Variants in UBN2 observed in about 807,000 individuals in gnomAD.
The protein encoded by UBN2 is ubinuclein-2.
UBN2 carries 35 observed loss-of-function variants against 120.2 expected under a neutral mutation model. That is an observed-to-expected ratio of 0.29 (90% CI 0.22 to 0.39). UBN2 has a LOEUF of 0.39. Ranked by LOEUF, UBN2 falls within the 10% of genes least tolerant of loss-of-function variation. The probability of loss-of-function intolerance (pLI) is 1.00; values close to 1 mark genes in which losing one functional copy is unlikely to be tolerated. For missense variants in UBN2, 1,693 were observed against 1,663.2 expected (o/e 1.02, Z -0.31); for synonymous variants, 661 against 648.7 (o/e 1.02, Z -0.29).
chr7:139,297,912 C>A lies in UBN2; in HGVS notation c.*76C>A. Reference sequence around the variant, plus strand: ...CCTGATGGGAAAGTACTTATGTGGTCATAGGGCTGCTGTTTCTGTCGATGT... The same window carrying A: ...CCTGATGGGAAAGTACTTATGTGGTAATAGGGCTGCTGTTTCTGTCGATGT... On this transcript the variant is annotated 3_prime_UTR_variant, in exon 18 of 18. Transcript: ENST00000473989. The A allele has an allele frequency of 6.8e-7, 1 of 1,469,858 alleles. No homozygotes were observed. Among genetic ancestry groups the A allele is most frequent in the South Asian group, 1.1e-5 (1 of 87,412 alleles). 91.1% of individuals were successfully genotyped at this position (1,469,858 alleles called of 1,614,324 possible).
chr7:139,242,416 T>C (rs1796345387), intron 2 of UBN2, among the ~76,000 whole-genome samples: 1 of 152,222 alleles, frequency 6.6e-6, no homozygotes, highest in Non-Finnish European at 1.5e-5. Context: ...TGTAGAGCTT[T>C]GGGCAAACTT....
rs185839467 is a variant in UBN2 at position 139,289,609 on chromosome 7, A to G, written c.3670-3623A>G. Among the ~76,000 whole-genome samples the G allele has an allele frequency of 4.5e-3, 690 of 151,892 alleles. 3 individuals carry two copies. Among genetic ancestry groups the G allele is most frequent in the African/African-American group, 0.016 (665 of 41,424 alleles). On this transcript the variant is annotated intron_variant, in intron 15 of 17. Coordinates refer to ENST00000473989, the MANE Select transcript of UBN2 (RefSeq NM_173569.4). ...GTATTTTTAGTAGAGACGGTGTTTC[A>G]CCATGTTGGCCAGGCTGGTCTTGAA...
At position 139,284,467 on chromosome 7, in the gene UBN2, C is replaced by T. The variant is rs769222760; in HGVS notation, c.3562C>T (p.Leu1188=). 7 of 1,614,052 alleles carry T rather than the reference C, an allele frequency of 4.3e-6. No homozygotes were observed. In the African/African-American group the frequency reaches 8.0e-5, roughly 18 times the overall value. The change falls in exon 15 of 18, where the codon CTG becomes TTG. Residue 1188 remains leucine (L), a synonymous_variant. Coordinates refer to ENST00000473989, the MANE Select transcript of UBN2 (RefSeq NM_173569.4). ...LNSSGANRTS[L]SGGTGSGTQG... ...CTCAAGCGGAGCTAATAGGACTAGT[C>T]TGTCTGGGGGAACAGGAAGTGGAAC...
At chr7:139,312,679 T>A (rs1798464395), downstream of UBN2, among the ~76,000 whole-genome samples, 1 of 152,240 alleles carries the variant, frequency 6.6e-6, no homozygotes, top group African/African-American at 2.4e-5. Context: ...CTACTTTTTG[T>A]CTTATGTTTG....
chr7:139,314,951 T>C, the UBN2 span, among the ~76,000 whole-genome samples: 10 of 151,316 alleles, frequency 6.6e-5, no homozygotes, highest in African/African-American at 2.4e-4. Context: ...TATGGTTATA[T>C]CTTTTTGATA....
In UBN2 at chr7:139,259,374, C is replaced by T. The variant is rs746622527; in HGVS notation, c.905+4C>T. The T allele has an allele frequency of 5.1e-5, 82 of 1,612,842 alleles. No individual in the cohort carries two copies. The highest frequency in any genetic ancestry group is 1.8e-4 in the South Asian group (16 of 90,914). On this transcript the variant is annotated splice_donor_region_variant and intron_variant, in intron 5 of 17. Coordinates refer to ENST00000473989, the MANE Select transcript of UBN2 (RefSeq NM_173569.4). ...AAAAAGTTCCCAAACAACTGGGGTA[C>T]GTTAAATTAAACCTAAGAAGGGAAC...
At chr7:139,255,105 C>T (rs1190290311) in intron 3 of UBN2, among the ~76,000 whole-genome samples, 5 of 152,220 alleles carry the variant, frequency 3.3e-5, no homozygotes, top group Non-Finnish European at 7.3e-5. Context: ...TCTGCCTATT[C>T]ATTCCTCCTT....
chr7:139,276,084 T>C lies in UBN2; in HGVS notation c.1974-13T>C, dbSNP rs1222821246. ...TAAAGAAAATAATAATTGTGTTCTT[T>C]AAATTTTTCCAGAATGCTTTTTAAG... On this transcript the variant is annotated splice_polypyrimidine_tract_variant and intron_variant, in intron 11 of 17. Coordinates refer to ENST00000473989, the MANE Select transcript of UBN2 (RefSeq NM_173569.4). 6.2e-7 allele frequency: 1 copy of C among 1,608,708 alleles called. No individual in the cohort carries two copies.
intron 17 of UBN2, among the ~76,000 whole-genome samples, chr7:139,294,684 T>TA (rs1406602535): frequency 6.6e-6 from 1 of 152,106 alleles, no homozygotes; most frequent in African/African-American, 2.4e-5. Context: ...CTATTAAAAA[T>TA]ACAAAAGTTA....
Position 139,283,678 on chromosome 7 carries a change from C to G in UBN2, c.2773C>G (p.Gln925Glu). ...GGCCCAAGATGCTTCTTCGTTAACA[C>G]AAGTAACAAAGGTGCACCAGCATTC... ...SEAQDASSLT[Q>E]VTKVHQHSAV... The change falls in exon 15 of 18, where the codon CAA (glutamine) becomes GAA (glutamate). Residue 925 changes from glutamine to glutamate, a missense_variant. By Grantham distance (29) the Gln-to-Glu change is conservative. This residue lies in a region of UBN2 where 837 missense variants were observed against 817.6 expected (regional missense o/e 1.02). Coordinates refer to ENST00000473989, the MANE Select transcript of UBN2 (RefSeq NM_173569.4). 1 of 1,614,160 alleles carries G rather than the reference C, an allele frequency of 6.2e-7. No homozygotes were observed.
chr7:139,258,674 G>T, intron 4 of UBN2, 49 bp downstream of exon 4: 2 of 1,461,008 alleles, frequency 1.4e-6, no homozygotes, highest in Non-Finnish European at 1.8e-6. Flanking sequence ...CAATTAATAG[G>T]ATTTTTTTTA....
downstream of UBN2, among the ~76,000 whole-genome samples, chr7:139,310,460 C>CT (rs1798432535): frequency 6.6e-6 from 1 of 152,300 alleles, no homozygotes; most frequent in Non-Finnish European, 1.5e-5. Context: ...TGATACGTAT[C>CT]TGAGTTTGTA....
At chr7:139,264,521 C>T (rs1040785168) in intron 6 of UBN2, among the ~76,000 whole-genome samples, 1 of 152,172 alleles carries the variant, frequency 6.6e-6, no homozygotes, top group Admixed American at 6.5e-5. Flanking sequence ...TCTGCAACTT[C>T]AATGTGGGGG....
intron 8 of UBN2, among the ~76,000 whole-genome samples, chr7:139,270,559 G>A (rs1397462488): frequency 2.6e-5 from 4 of 152,002 alleles, no homozygotes; most frequent in Non-Finnish European, 2.9e-5. Flanking sequence ...GTGAGCCACC[G>A]TGCCTGGCCA....
intron 2 of UBN2, among the ~76,000 whole-genome samples, chr7:139,243,031 G>A (rs996917391): frequency 3.9e-5 from 6 of 152,210 alleles, no homozygotes; most frequent in Non-Finnish European, 7.3e-5. Context: ...GGTTATCAAT[G>A]AATGTTGGTT....
intron 12 of UBN2, among the ~76,000 whole-genome samples, chr7:139,278,582 G>A (rs1360063686): frequency 2.0e-5 from 3 of 151,760 alleles, no homozygotes; most frequent in Non-Finnish European, 4.4e-5. Flanking sequence ...TATGGGATAA[G>A]TGGGCCTAGA....
rs576221189 is a variant in UBN2, at chr7:139,273,303, G to A, written c.1722G>A (p.Gln574=). Residue 574 remains glutamine (Q), a synonymous_variant, in exon 10 of 18, where the codon CAG becomes CAA. Coordinates refer to ENST00000473989, the MANE Select transcript of UBN2 (RefSeq NM_173569.4). Reference sequence around the variant, plus strand: ...AAGTGTTTTTCATTTTTAGATTGCAGACAGATGAAGAACGAGAAAAAAATG... The same window carrying A: ...AAGTGTTTTTCATTTTTAGATTGCAAACAGATGAAGAACGAGAAAAAAATG... ...ARSQAKCAKL[Q]TDEEREKNGS... 1.9e-6 allele frequency: 3 copies of A among 1,602,032 alleles called. No individual in the cohort carries two copies. Among genetic ancestry groups the A allele is most frequent in the Middle Eastern group, 1.7e-4 (1 of 5,988 alleles).
chr7:139,237,942 A>G (rs1796211118), intron 2 of UBN2, among the ~76,000 whole-genome samples: 1 of 152,222 alleles, frequency 6.6e-6, no homozygotes, highest in Admixed American at 6.5e-5. Context: ...ATATTCATGT[A>G]CATTTTATAT....
intron 15 of UBN2, among the ~76,000 whole-genome samples, chr7:139,289,095 G>T (rs1282517322): frequency 6.6e-6 from 1 of 151,976 alleles, no homozygotes; most frequent in Non-Finnish European, 1.5e-5. Context: ...AGAGGTCACG[G>T]AAAGTATTTT....
Sources: gnomAD v4.1 joint callset for allele counts (sites outside exome capture counted in the v4.1 genomes callset) on GRCh38, gnomAD v4.1.1 for gene constraint, gnomAD v4.1.1 regional missense constraint, MANE v1.5 for transcripts, NCBI Gene and HGNC (gene_info 2026-07-23, HGNC 2026-07-21) for gene names.